The following ZDHHC13 variants were observed in gnomAD, a reference collection of about 807,000 sequenced individuals.
ZDHHC13 encodes the protein zDHHC palmitoyltransferase 13, also known as palmitoyltransferase ZDHHC13.
ZDHHC13 carries 85 observed loss-of-function variants against 86.0 expected under a neutral mutation model. That is an observed-to-expected ratio of 0.99 (90% CI 0.83 to 1.18). The LOEUF is 1.18. Ranked by LOEUF, ZDHHC13 falls within the 50% of genes most tolerant of loss-of-function variation. The pLI is 0.00. For missense variants in ZDHHC13, 711 were observed against 730.2 expected (o/e 0.97, Z 0.30); for synonymous variants, 263 against 246.4 (o/e 1.07, Z -0.63).
Position 19,166,402 on chromosome 11 carries a change from C to A in ZDHHC13, c.1474+17C>A, listed in dbSNP as rs774133803. 17 of 1,594,256 alleles carry A rather than the reference C, an allele frequency of 1.1e-5. No individual in the cohort carries two copies. The highest frequency in any genetic ancestry group is 1.5e-5 in the Non-Finnish European group (17 of 1,167,866). ...CTTTCATCTGTAAGTGTAAATTTTT[C>A]TTACAACAAGCACATACATCTACAC... On this transcript the variant is annotated intron_variant, in intron 14 of 16. Transcript: ENST00000446113.
chr11:19,171,547 C>G (rs1398426736), intron 15 of ZDHHC13, among the ~76,000 whole-genome samples: 1 of 152,034 alleles, frequency 6.6e-6, no homozygotes, highest in Non-Finnish European at 1.5e-5. Context: ...CTGAGGTTTC[C>G]GAACATTCCT....
Position 19,126,974 on chromosome 11 carries a change from C to G in ZDHHC13, c.27+9698C>G, listed in dbSNP as rs533169961. ...GATTTATAGTCCTTTGGGTATATAC[C>G]CAGTAATGGGATTGCTGGGTTGAAT... On this transcript the variant is annotated intron_variant, in intron 1 of 16. Transcript: ENST00000446113. Among the ~76,000 whole-genome samples, 10 of 152,152 alleles carry G rather than the reference C, an allele frequency of 6.6e-5. No homozygotes were observed. In the South Asian group the frequency reaches 2.1e-3, roughly 32 times the overall value.
In ZDHHC13 at chr11:19,165,076, C is replaced by T. The variant is rs1458859107; in HGVS notation, c.1321C>T (p.His441Tyr). The change falls in exon 13 of 17, where the codon CAC (histidine) becomes TAC (tyrosine). Residue 441 changes from histidine (H) to tyrosine (Y), a missense_variant. Physicochemically the swap from His to Tyr is moderately conservative, Grantham distance 83. Coordinates refer to ENST00000446113, the MANE Select transcript of ZDHHC13 (RefSeq NM_019028.3). ...CLIRKPLRSL[H>Y]CHVCNCCVAR... Reference sequence around the variant, plus strand: ...GATAAGGAAGCCATTAAGGTCACTCCACTGCCATGTATGCAACTGCTGTGT... The same window carrying T: ...GATAAGGAAGCCATTAAGGTCACTCTACTGCCATGTATGCAACTGCTGTGT... 6.2e-7 allele frequency: 1 copy of T among 1,612,822 alleles called. No homozygotes were observed. Among genetic ancestry groups the T allele is most frequent in the Non-Finnish European group, 8.5e-7 (1 of 1,179,430 alleles).
chr11:19,144,340 C>G (rs1261780191), intron 2 of ZDHHC13, among the ~76,000 whole-genome samples: 1 of 151,882 alleles, frequency 6.6e-6, no homozygotes, highest in Non-Finnish European at 1.5e-5. Flanking sequence ...CATTTTATGT[C>G]TTTCCTAAAA....
chr11:19,133,942 T>TATATATATATATATACAC lies in ZDHHC13; in HGVS notation c.28-9035_28-9034insTATATATATATATACACA. On this transcript the variant is annotated intron_variant, in intron 1 of 16. Transcript: ENST00000446113. ...GTCCATATATATATATATATATATA[T>TATATATATATATATACAC]ACACGTATGTGTTTTATATACTTCA... 3.1e-3 allele frequency among the ~76,000 whole-genome samples: 298 copies of TATATATATATATATACAC among 96,070 alleles called. 9 individuals carry two copies. Among genetic ancestry groups the TATATATATATATATACAC allele is most frequent in the Middle Eastern group, 0.013 (2 of 154 alleles). The allele number at this position is 96,070 out of a possible 152,430, so 63.0% of individuals were successfully genotyped here. A position where few individuals can be genotyped will look rare whatever the true frequency, so the allele number is the denominator to read the frequency against.
At chr11:19,164,857 C>T (rs147583704) in intron 12 of ZDHHC13, 195 bp from the exon 13 acceptor site, 85 of 569,086 alleles carry the variant, frequency 1.5e-4, no homozygotes, top group African/African-American at 1.2e-3. Flanking sequence ...TCAGATCCCA[C>T]TTAGTGATGT....
chr11:19,138,291 G>T (rs1373538004), intron 1 of ZDHHC13, among the ~76,000 whole-genome samples: 1 of 151,730 alleles, frequency 6.6e-6, no homozygotes, highest in Non-Finnish European at 1.5e-5. Flanking sequence ...ACACCTCTAC[G>T]CAAATAAACT....
At chr11:19,155,106 C>G (rs1849720439) in intron 8 of ZDHHC13, among the ~76,000 whole-genome samples, 1 of 152,170 alleles carries the variant, frequency 6.6e-6, no homozygotes, top group Admixed American at 6.5e-5. Context: ...CAGGTTGGAG[C>G]TCTTATAGTT....
At chr11:19,137,545 C>T (rs1464429113) in intron 1 of ZDHHC13, among the ~76,000 whole-genome samples, 1 of 151,734 alleles carries the variant, frequency 6.6e-6, no homozygotes, top group Non-Finnish European at 1.5e-5. Flanking sequence ...AGGAATTGAA[C>T]TCAGCTCTGC....
In ZDHHC13 at chr11:19,155,738, T is replaced by C. The variant is rs879627426; in HGVS notation, c.874-58T>C. The C allele has an allele frequency of 1.1e-5, 17 of 1,568,684 alleles. No homozygotes were observed. The Admixed American group carries it at 3.0e-4, about 28-fold the overall frequency. On this transcript the variant is annotated intron_variant, in intron 8 of 16. Transcript: ENST00000446113. ...GGAAGTAGTTCTTATATTGCACTAT[T>C]ATTAGATACTTAAGAGGTAAAATCC...
intron 8 of ZDHHC13, among the ~76,000 whole-genome samples, chr11:19,154,125 A>G (rs968389766): frequency 1.3e-5 from 2 of 152,198 alleles, no homozygotes; most frequent in Middle Eastern, 3.2e-3. Context: ...TTTATATACT[A>G]TAAAATTCAC....
At chr11:19,159,740 C>A (rs1849858471) in intron 10 of ZDHHC13, among the ~76,000 whole-genome samples, 1 of 151,920 alleles carries the variant, frequency 6.6e-6, no homozygotes. Context: ...GGCCCAGGAC[C>A]AAGTCCAGCT....
chr11:19,123,485 G>A (rs2133358571), intron 1 of ZDHHC13, among the ~76,000 whole-genome samples: 1 of 151,722 alleles, frequency 6.6e-6, no homozygotes, highest in South Asian at 2.1e-4. Flanking sequence ...CCTATCTACA[G>A]AAGAATAAAA....
chr11:19,133,942 T>TATATATATATATAC lies in ZDHHC13; in HGVS notation c.28-9035_28-9034insTATATATATATACA. On this transcript the variant is annotated intron_variant, in intron 1 of 16. Transcript: ENST00000446113. ...GTCCATATATATATATATATATATA[T>TATATATATATATAC]ACACGTATGTGTTTTATATACTTCA... is the stretch of plus-strand genomic sequence containing the variant. Among the ~76,000 whole-genome samples the TATATATATATATAC allele has an allele frequency of 4.8e-3, 461 of 96,092 alleles. 8 individuals carry two copies. Among genetic ancestry groups the TATATATATATATAC allele is most frequent in the East Asian group, 8.5e-3 (35 of 4,138 alleles). 63.0% of individuals were successfully genotyped at this position (96,092 alleles called of 152,430 possible).
At chr11:19,122,927 C>T (rs1237907712) in intron 1 of ZDHHC13, among the ~76,000 whole-genome samples, 2 of 152,124 alleles carry the variant, frequency 1.3e-5, no homozygotes, top group African/African-American at 4.8e-5. Flanking sequence ...TTAGGTTTTA[C>T]TTTGATCTGC....
In ZDHHC13 at chr11:19,147,688, AAC is replaced by A. The variant is rs1321197105; in HGVS notation, c.374+18_374+19del. ...TGGGCCATCCGGTAAGGTTTCTTTG[AAC>A]ACTGAAATTAAATAGCCACATATAG... is the stretch of plus-strand genomic sequence containing the variant. On this transcript the variant is annotated intron_variant, in intron 4 of 16. Coordinates refer to ENST00000446113, the MANE Select transcript of ZDHHC13 (RefSeq NM_019028.3). The A allele has an allele frequency of 1.3e-6, 2 of 1,582,024 alleles. No homozygotes were observed. The highest frequency in any genetic ancestry group is 8.6e-7 in the Non-Finnish European group (1 of 1,161,174).
In ZDHHC13 at chr11:19,133,561, A is replaced by G. The variant is rs938214485; in HGVS notation, c.28-9417A>G. Among the ~76,000 whole-genome samples, 5 of 152,208 alleles carry G rather than the reference A, an allele frequency of 3.3e-5. No individual in the cohort carries two copies. In the South Asian group the frequency reaches 6.2e-4, roughly 19 times the overall value. Reference sequence around the variant, plus strand: ...TACTGTATTGGAATGTTATACAGCAATGAAAATGAACCTGTTGTAGCTTTC... The same window carrying G: ...TACTGTATTGGAATGTTATACAGCAGTGAAAATGAACCTGTTGTAGCTTTC... On this transcript the variant is annotated intron_variant, in intron 1 of 16. Transcript: ENST00000446113.
At chr11:19,138,682 G>A (rs1404177900) in intron 1 of ZDHHC13, among the ~76,000 whole-genome samples, 16 of 150,110 alleles carry the variant, frequency 1.1e-4, no homozygotes, top group African/African-American at 2.9e-4. Context: ...CTGGCAAACC[G>A]AATCCAGCAG....
intron 9 of ZDHHC13, among the ~76,000 whole-genome samples, chr11:19,158,544 G>A (rs2133446917): frequency 6.6e-6 from 1 of 152,136 alleles, no homozygotes; most frequent in African/African-American, 2.4e-5. Context: ...AAATGTAAAG[G>A]TGAATCTCAA....
Sources: gnomAD v4.1 joint callset for allele counts (sites outside exome capture counted in the v4.1 genomes callset) on GRCh38, gnomAD v4.1.1 for gene constraint, MANE v1.5 for transcripts, NCBI Gene and HGNC (gene_info 2026-07-23, HGNC 2026-07-21) for gene names.